The following TDRD9 variants were observed in gnomAD, a reference collection of about 807,000 sequenced individuals.
The protein encoded by TDRD9 is ATP-dependent RNA helicase TDRD9.
A neutral mutation model predicts 172.6 loss-of-function variants in TDRD9; 124 were observed. That is an observed-to-expected ratio of 0.72 (90% CI 0.62 to 0.83). The LOEUF is 0.83. Ranked by LOEUF, TDRD9 falls within the 40% of genes least tolerant of loss-of-function variation. The pLI, the probability that TDRD9 is intolerant of heterozygous loss-of-function variation, is 0.00. For synonymous variants in TDRD9, 619 were observed against 617.1 expected (o/e 1.00, Z -0.05); for missense variants, 1,479 against 1,714.1 (o/e 0.86, Z 2.42).
In TDRD9 at chr14:104,040,226, AG is replaced by A. The variant is rs2035573210; in HGVS notation, c.3748del (p.Val1250SerfsTer47). On this transcript the variant is annotated frameshift_variant, in exon 33 of 36. Transcript: ENST00000409874. LOFTEE classifies it high-confidence loss of function. Reference protein sequence around the residue: ...IDQNGKYYTGVLCGLGWNPAT... With the variant: ...IDQNGKYYTGXLCGLGWNPAT... ...ATCAGAATGGCAAGTACTATACTGGAGTCCTTTGTGGTTTGGGGTGGAATCC... is the reference window on the plus strand; with the variant it reads ...ATCAGAATGGCAAGTACTATACTGGATCCTTTGTGGTTTGGGGTGGAATCC... 1 of 1,550,704 alleles carries A rather than the reference AG, an allele frequency of 6.4e-7. No homozygotes were observed. Among genetic ancestry groups the A allele is most frequent in the Non-Finnish European group, 8.7e-7 (1 of 1,146,510 alleles).
At chr14:104,047,872 T>C (rs1012529725) in intron 34 of TDRD9, among the ~76,000 whole-genome samples, 2 of 152,232 alleles carry the variant, frequency 1.3e-5, no homozygotes, top group African/African-American at 4.8e-5. Context: ...TTGGTAGTTT[T>C]TAATTTTTAT....
In TDRD9 at chr14:104,006,472, C is replaced by T. The variant is rs1159608150; in HGVS notation, c.1797C>T (p.Ala599=). Reference sequence around the variant, plus strand: ...TGACCTTCTTAGGAAGAGTTTTAGCCCAACTTCCTGTAAATCAGCAACTTG... The same window carrying T: ...TGACCTTCTTAGGAAGAGTTTTAGCTCAACTTCCTGTAAATCAGCAACTTG... ...GELTFLGRVL[A]QLPVNQQLGK... The change falls in exon 16 of 36, where the codon GCC becomes GCT. Residue 599 remains alanine (A), a synonymous_variant. Coordinates refer to ENST00000409874, the MANE Select transcript of TDRD9 (RefSeq NM_153046.3). 1 of 1,613,604 alleles carries T rather than the reference C, an allele frequency of 6.2e-7. No homozygotes were observed. The highest frequency in any genetic ancestry group is 1.3e-5 in the African/African-American group (1 of 74,908).
chr14:103,972,652 A>G (rs2033082578), intron 6 of TDRD9, among the ~76,000 whole-genome samples: 2 of 152,256 alleles, frequency 1.3e-5, no homozygotes, highest in African/African-American at 4.8e-5. Context: ...CAGTTATTCT[A>G]TGATGGGGCT....
chr14:103,939,282 C>T (rs1403340907), intron 1 of TDRD9, among the ~76,000 whole-genome samples: 1 of 152,192 alleles, frequency 6.6e-6, no homozygotes, highest in Non-Finnish European at 1.5e-5. Context: ...GCTTCATATA[C>T]AAACTTCACG....
Position 104,026,711 on chromosome 14 carries a change from A to G in TDRD9, c.3054A>G (p.Pro1018=). 1.2e-6 allele frequency: 2 copies of G among 1,614,020 alleles called. No homozygotes were observed. Among genetic ancestry groups the G allele is most frequent in the Non-Finnish European group, 1.7e-6 (2 of 1,179,874 alleles). Residue 1018 remains proline, a synonymous_variant, in exon 28 of 36, where the codon CCA becomes CCG. Transcript: ENST00000409874. ...ALEFKICKMR[P]SAKSLVCGKH... ...AATTTAAGATTTGCAAAATGAGACCATCAGCAAAGTCTCTTGTTTGTGGCA... is the reference window on the plus strand; with the variant it reads ...AATTTAAGATTTGCAAAATGAGACCGTCAGCAAAGTCTCTTGTTTGTGGCA...
intron 25 of TDRD9, among the ~76,000 whole-genome samples, 183 bp from the exon 26 acceptor site, chr14:104,025,381 C>CCTT (rs2035084095): frequency 1.3e-5 from 2 of 152,176 alleles, no homozygotes; most frequent in Non-Finnish European, 2.9e-5. Flanking sequence ...CTTAGTTCAC[C>CCTT]AGGGGACCCC....
intron 24 of TDRD9, among the ~76,000 whole-genome samples, chr14:104,023,739 G>A (rs2035033749): frequency 6.6e-6 from 1 of 152,246 alleles, no homozygotes; most frequent in South Asian, 2.1e-4. Context: ...AATCTGAGGA[G>A]TTGGTGGAGG....
chr14:103,990,655 C>T (rs74086977), intron 8 of TDRD9, among the ~76,000 whole-genome samples: 3,814 of 152,282 alleles, frequency 0.025, 165 homozygotes, highest in Admixed American at 0.12. Flanking sequence ...CTTGTTACTG[C>T]TGTATCTTAC....
In TDRD9 at chr14:103,928,527, C is replaced by T. The variant is rs918188433; in HGVS notation, c.18C>T (p.Thr6=). The change falls in exon 1 of 36, where the codon ACC becomes ACT. Residue 6 remains threonine (T), a synonymous_variant. Coordinates refer to ENST00000409874, the MANE Select transcript of TDRD9 (RefSeq NM_153046.3). ...CCTTGAGGATGCTGCGGAAGCTCACCATCGAGCAGATCAACGACTGGTTCA... is the reference window on the plus strand; with the variant it reads ...CCTTGAGGATGCTGCGGAAGCTCACTATCGAGCAGATCAACGACTGGTTCA... MLRKL[T]IEQINDWFTI... is the part of the protein sequence containing the mutation. 103 of 1,414,500 alleles carry T rather than the reference C, an allele frequency of 7.3e-5. No individual in the cohort carries two copies. The highest frequency in any genetic ancestry group is 9.5e-5 in the Non-Finnish European group (102 of 1,073,524). 87.6% of individuals were successfully genotyped at this position (1,414,500 alleles called of 1,614,324 possible).
intron 23 of TDRD9, among the ~76,000 whole-genome samples, chr14:104,020,428 A>G (rs1286673997): frequency 6.6e-6 from 1 of 152,176 alleles, no homozygotes; most frequent in Non-Finnish European, 1.5e-5. Flanking sequence ...GCCCAAGAGC[A>G]TCCGGCTTTC....
intron 13 of TDRD9, 41 bp downstream of exon 13, chr14:103,998,769 G>T: frequency 9.9e-7 from 1 of 1,007,524 alleles, no homozygotes; most frequent in South Asian, 1.4e-5. Context: ...AGTCATTGGT[G>T]ACACAGTGGC....
chr14:103,937,381 A>C (rs1199759192), intron 1 of TDRD9, among the ~76,000 whole-genome samples: 2 of 151,922 alleles, frequency 1.3e-5, no homozygotes, highest in Non-Finnish European at 1.5e-5. Flanking sequence ...CTCCCTTCCC[A>C]TTGCAGGCTC....
chr14:104,015,920 A>T (rs562723082), intron 21 of TDRD9, 61 bp from the exon 22 acceptor site: 478 of 1,209,338 alleles, frequency 4.0e-4, no homozygotes, highest in Non-Finnish European at 5.4e-4. Flanking sequence ...AGATTAGTAT[A>T]TTGGTGAGAA....
intron 35 of TDRD9, chr14:104,050,021 G>T: frequency 4.5e-6 from 1 of 219,992 alleles, no homozygotes; most frequent in South Asian, 1.1e-4. Flanking sequence ...TGGCTGGCTT[G>T]GTGGCTTTCG....
At chr14:103,940,712 T>C (rs2031169533) in intron 1 of TDRD9, 5 of 828,294 alleles carry the variant, frequency 6.0e-6, no homozygotes. Flanking sequence ...ACTGACCTTG[T>C]AACAAAGAAA....
intron 1 of TDRD9, among the ~76,000 whole-genome samples, chr14:103,935,000 G>A (rs568593134): frequency 1.3e-5 from 2 of 152,136 alleles, no homozygotes; most frequent in Non-Finnish European, 2.9e-5. Flanking sequence ...GGAGGGCCTC[G>A]TCCAGTCAGT....
chr14:103,982,067 C>T (rs935886175), intron 7 of TDRD9, among the ~76,000 whole-genome samples: 18 of 151,274 alleles, frequency 1.2e-4, no homozygotes. Context: ...AAGGGAGAAG[C>T]CCCCTTTCTT....
In TDRD9 at chr14:103,999,071, G is replaced by A. The variant is rs539286778; in HGVS notation, c.1483+343G>A. Among the ~76,000 whole-genome samples, 4 of 152,322 alleles carry A rather than the reference G, an allele frequency of 2.6e-5. No homozygotes were observed. The East Asian group carries it at 7.7e-4, about 29-fold the overall frequency. On this transcript the variant is annotated intron_variant, in intron 13 of 35. Transcript: ENST00000409874. ...GCCTCCCAAAGTGCTGGGATTACAG[G>A]CGTGAGCCACCGTGCCCGGCCATTC...
intron 34 of TDRD9, among the ~76,000 whole-genome samples, chr14:104,047,232 T>C (rs2035807000): frequency 6.6e-6 from 1 of 152,254 alleles, no homozygotes; most frequent in Non-Finnish European, 1.5e-5. Context: ...ATATTTTAGT[T>C]CTTTTAATGC....
Sources: gnomAD v4.1 joint callset for allele counts (sites outside exome capture counted in the v4.1 genomes callset) on GRCh38, gnomAD v4.1.1 for gene constraint, MANE v1.5 for transcripts, NCBI Gene and HGNC (gene_info 2026-07-23, HGNC 2026-07-21) for gene names.